LRRIQ3: variants seen among roughly 807,000 people sequenced by gnomAD.
LRRIQ3 encodes leucine rich repeats and IQ motif containing 3.
Under a neutral mutation model 59.3 loss-of-function variants are expected in LRRIQ3, and 75 were observed. The observed-to-expected ratio is 1.26, with a 90% CI of 1.05 to 1.53. LRRIQ3 has a LOEUF of 1.53. LRRIQ3 is among the 40% of genes most tolerant of loss of function. The pLI, the probability that LRRIQ3 is intolerant of heterozygous loss-of-function variation, is 0.00. For missense variants in LRRIQ3, 831 were observed against 710.0 expected (o/e 1.17, Z -1.94); for synonymous variants, 250 against 231.3 (o/e 1.08, Z -0.73).
chr1:74,075,568 G>GAA (rs745376071), intron 5 of LRRIQ3, among the ~76,000 whole-genome samples: 6 of 134,522 alleles, frequency 4.5e-5, no homozygotes, highest in Non-Finnish European at 8.1e-5. Context: ...CTCCGTCTCA[G>GAA]AAAAAAAAAA....
chr1:74,041,284 G>C lies in LRRIQ3; in HGVS notation c.1647C>G (p.Ser549Arg), dbSNP rs373984391. 86 of 1,608,154 alleles carry C rather than the reference G, an allele frequency of 5.3e-5. No individual in the cohort carries two copies. In the African/African-American group the frequency reaches 9.4e-4, roughly 18 times the overall value. ...EKNEAVLKEK[S>R]LIVKQKLKAE... is the part of the protein sequence containing the mutation. ...CTTTTAGTTTTTGCTTAACAATCAG[G>C]CTTTTCTCTTTTAGGACAGCCTCAT... Residue 549 changes from serine to arginine, a missense_variant, in exon 7 of 8, where the codon AGC becomes AGG. By Grantham distance (110) the Ser-to-Arg change is moderately radical (BLOSUM62 -1). Coordinates refer to ENST00000354431, the MANE Select transcript of LRRIQ3 (RefSeq NM_001105659.2).
At position 74,026,902 on chromosome 1, in the gene LRRIQ3, CT is replaced by C; in HGVS notation, c.1785del (p.Ala596ProfsTer12). On this transcript the variant is annotated frameshift_variant, in exon 8 of 8. Transcript: ENST00000354431. LOFTEE classifies it low-confidence loss of function (END_TRUNC). The part of the protein sequence containing the change: ...KFVMDMIAFE[K>X]ACERLQDAKT... ...TTAGCATCTTGAAGTCTTTCACAGG[CT>C]TTTTCAAAGGCAATCATATCCATAA... 6.2e-7 allele frequency: 1 copy of C among 1,604,816 alleles called. No homozygotes were observed. Among genetic ancestry groups the C allele is most frequent in the Non-Finnish European group, 8.5e-7 (1 of 1,174,642 alleles).
At chr1:74,048,781 TA>T (rs1468191799) in intron 6 of LRRIQ3, among the ~76,000 whole-genome samples, 1 of 152,168 alleles carries the variant, frequency 6.6e-6, no homozygotes, top group Non-Finnish European at 1.5e-5. Context: ...AGTCCAATAA[TA>T]ATATAATGTG....
intron 5 of LRRIQ3, chr1:74,081,889 T>G (rs921051619): frequency 4.6e-5 from 7 of 151,526 alleles, no homozygotes; most frequent in African/African-American, 1.7e-4. Flanking sequence ...TGCATTCTAC[T>G]TTATATCATA....
At chr1:74,056,050 C>A (rs898636420) in intron 6 of LRRIQ3, among the ~76,000 whole-genome samples, 3 of 151,368 alleles carry the variant, frequency 2.0e-5, no homozygotes, top group African/African-American at 7.3e-5. Flanking sequence ...GAGGCTGAGG[C>A]AGGAGAATTG....
intron 4 of LRRIQ3, among the ~76,000 whole-genome samples, chr1:74,116,251 C>A (rs1355589547): frequency 6.6e-6 from 1 of 151,958 alleles, no homozygotes; most frequent in Non-Finnish European, 1.5e-5. Context: ...GGAGCTCTTG[C>A]CCTTGCCCAC....
At chr1:74,165,283 T>A (rs1648911718) in intron 3 of LRRIQ3, among the ~76,000 whole-genome samples, 1 of 151,566 alleles carries the variant, frequency 6.6e-6, no homozygotes, top group African/African-American at 2.4e-5. Context: ...AAATCAGTGT[T>A]ATGTAGTTTT....
In LRRIQ3 at chr1:74,099,302, C is replaced by G. The variant is rs1378977404; in HGVS notation, c.867+10092G>C. Among the ~76,000 whole-genome samples, 5 of 152,130 alleles carry G rather than the reference C, an allele frequency of 3.3e-5. No individual in the cohort carries two copies. The South Asian group carries it at 8.3e-4, about 25-fold the overall frequency. Reference sequence around the variant, plus strand: ...CCTCTACGCAAATAAACTAGAAAATCTAGAAGAAATGGATAAATTCCTCGA... The same window carrying G: ...CCTCTACGCAAATAAACTAGAAAATGTAGAAGAAATGGATAAATTCCTCGA... On this transcript the variant is annotated intron_variant, in intron 5 of 7. Coordinates refer to ENST00000354431, the MANE Select transcript of LRRIQ3 (RefSeq NM_001105659.2).
At chr1:74,110,086 TA>T (rs1386496339) in intron 4 of LRRIQ3, among the ~76,000 whole-genome samples, 2 of 151,864 alleles carry the variant, frequency 1.3e-5, no homozygotes, top group Non-Finnish European at 2.9e-5. Flanking sequence ...CAGGTAAGCT[TA>T]ATTTTAATAC....
intron 5 of LRRIQ3, among the ~76,000 whole-genome samples, chr1:74,100,512 C>T (rs1474355192): frequency 6.6e-6 from 1 of 152,140 alleles, no homozygotes; most frequent in African/African-American, 2.4e-5. Context: ...AATGCCATCC[C>T]CATAAAGCTA....
intron 5 of LRRIQ3, among the ~76,000 whole-genome samples, chr1:74,104,122 A>G (rs1646574915): frequency 6.6e-6 from 1 of 152,040 alleles, no homozygotes; most frequent in African/African-American, 2.4e-5. Flanking sequence ...AATGTTCAAC[A>G]TCATACGTAA....
At chr1:74,162,062 T>C (rs187943407) in intron 3 of LRRIQ3, among the ~76,000 whole-genome samples, 127 of 151,984 alleles carry the variant, frequency 8.4e-4, no homozygotes, top group Non-Finnish European at 1.6e-3. Flanking sequence ...CTGTATCATG[T>C]TTTCATCATT....
At chr1:74,100,879 C>A (rs1263850963) in intron 5 of LRRIQ3, among the ~76,000 whole-genome samples, 1 of 152,062 alleles carries the variant, frequency 6.6e-6, no homozygotes, top group African/African-American at 2.4e-5. Context: ...AAACTGGATG[C>A]CTTCCTTACA....
intron 6 of LRRIQ3, among the ~76,000 whole-genome samples, chr1:74,045,589 T>C (rs937048470): frequency 3.3e-5 from 5 of 152,034 alleles, no homozygotes; most frequent in African/African-American, 1.2e-4. Flanking sequence ...CTATTCAACA[T>C]AGTATTGGAA....
At chr1:74,119,704 A>G (rs1221996370) in intron 4 of LRRIQ3, among the ~76,000 whole-genome samples, 1 of 152,156 alleles carries the variant, frequency 6.6e-6, no homozygotes, top group Non-Finnish European at 1.5e-5. Context: ...CCACCAAATT[A>G]AAATAATACT....
At chr1:74,034,765 T>C (rs1653819011) in intron 7 of LRRIQ3, among the ~76,000 whole-genome samples, 1 of 151,118 alleles carries the variant, frequency 6.6e-6, no homozygotes, top group Non-Finnish European at 1.5e-5. Context: ...CATCAGTAAA[T>C]AGCTTAAATT....
intron 3 of LRRIQ3, among the ~76,000 whole-genome samples, chr1:74,164,174 C>T (rs1044982841): frequency 6.6e-6 from 1 of 150,988 alleles, no homozygotes. Context: ...TTTCTATATA[C>T]TAGTCTTTTT....
intron 4 of LRRIQ3, among the ~76,000 whole-genome samples, chr1:74,151,459 GTGAA>G (rs1001604850): frequency 7.9e-5 from 12 of 152,086 alleles, no homozygotes; most frequent in Admixed American, 1.3e-4. Flanking sequence ...AATCTAAAAT[GTGAA>G]TGAATGGGGA....
chr1:74,149,264 T>TA (rs1647773142), intron 4 of LRRIQ3, among the ~76,000 whole-genome samples: 1 of 152,198 alleles, frequency 6.6e-6, no homozygotes, highest in Non-Finnish European at 1.5e-5. Context: ...TATATTTTCC[T>TA]TACATGTATA....
Sources: gnomAD v4.1 joint callset for allele counts (sites outside exome capture counted in the v4.1 genomes callset) on GRCh38, gnomAD v4.1.1 for gene constraint, MANE v1.5 for transcripts, NCBI Gene and HGNC (gene_info 2026-07-23, HGNC 2026-07-21) for gene names.